The following CTNNA2 variants were observed in gnomAD, a reference collection of about 807,000 sequenced individuals.
The protein encoded by CTNNA2 is catenin alpha-2.
In CTNNA2, 42 loss-of-function variants were observed where a neutral mutation model predicts 101.0. The ratio of observed to expected loss-of-function variants is 0.42; its 90% CI spans 0.32 to 0.54. CTNNA2 has a LOEUF of 0.54. Ranked by LOEUF, CTNNA2 falls within the 20% of genes least tolerant of loss-of-function variation. The pLI, the probability that CTNNA2 is intolerant of heterozygous loss-of-function variation, is 0.14. For synonymous variants in CTNNA2, 450 were observed against 456.4 expected, an observed-to-expected ratio of 0.99 and a Z score of 0.18; for missense variants, 871 against 1,223.1, an observed-to-expected ratio of 0.71 and a Z score of 4.29.
intron 7 of CTNNA2, among the ~76,000 whole-genome samples, chr2:80,241,680 A>G (rs1213981570): frequency 1.3e-5 from 2 of 152,028 alleles, no homozygotes; most frequent in African/African-American, 4.8e-5. Context: ...AGATAAATTC[A>G]TCTGTATAGG....
intron 7 of CTNNA2, among the ~76,000 whole-genome samples, chr2:80,089,560 C>G (rs1699651783): frequency 2.0e-5 from 3 of 151,578 alleles, no homozygotes; most frequent in African/African-American, 7.3e-5. Context: ...TCACTTCTTT[C>G]ACCATAGTGA....
intron 3 of CTNNA2, among the ~76,000 whole-genome samples, chr2:79,372,478 AAG>A (rs1338773999): frequency 6.6e-6 from 1 of 152,178 alleles, no homozygotes; most frequent in African/African-American, 2.4e-5. Context: ...CTACCATTGA[AAG>A]CCAGGCATGT....
At chr2:79,313,146 G>T (rs17707159) in intron 3 of CTNNA2, among the ~76,000 whole-genome samples, 1 of 151,992 alleles carries the variant, frequency 6.6e-6, no homozygotes, top group African/African-American at 2.4e-5. Flanking sequence ...TTATCCCTTG[G>T]CTCCCGTTTG....
intron 2 of CTNNA2, among the ~76,000 whole-genome samples, chr2:79,302,180 AG>A (rs1329736264): frequency 6.6e-6 from 1 of 152,206 alleles, no homozygotes; most frequent in Non-Finnish European, 1.5e-5. Context: ...GAAAAGACTT[AG>A]TGACATCAAA....
At chr2:79,342,830 G>C (rs1677168323) in intron 3 of CTNNA2, among the ~76,000 whole-genome samples, 1 of 152,182 alleles carries the variant, frequency 6.6e-6, no homozygotes, top group Non-Finnish European at 1.5e-5. Flanking sequence ...CTAAGGATGA[G>C]TCTGAAAGGA....
intron 2 of CTNNA2, among the ~76,000 whole-genome samples, chr2:79,312,207 C>A (rs1421495338): frequency 1.3e-5 from 2 of 152,170 alleles, no homozygotes; most frequent in African/African-American, 4.8e-5. Flanking sequence ...CTATGCCTGA[C>A]CTTTACCCAG....
intron 7 of CTNNA2, among the ~76,000 whole-genome samples, chr2:80,109,161 A>G (rs774026923): frequency 3.9e-5 from 6 of 152,214 alleles, no homozygotes; most frequent in Non-Finnish European, 8.8e-5. Flanking sequence ...GAAATAAGCT[A>G]TAAGAACAAA....
intron 7 of CTNNA2, among the ~76,000 whole-genome samples, chr2:80,201,984 G>A (rs1305718477): frequency 1.3e-5 from 2 of 151,984 alleles, no homozygotes; most frequent in African/African-American, 4.8e-5. Flanking sequence ...CACCCCAACT[G>A]AGCAAGGAAA....
chr2:79,689,272 T>C (rs533619806), intron 2 of CTNNA2, among the ~76,000 whole-genome samples: 1 of 151,992 alleles, frequency 6.6e-6, no homozygotes, highest in Admixed American at 6.6e-5. Flanking sequence ...TTGTCACAGA[T>C]CCTGAGCATA....
At position 80,381,587 on chromosome 2, in the gene CTNNA2, T is replaced by A. The variant is rs144865004; in HGVS notation, c.1057-11624T>A. On this transcript the variant is annotated intron_variant, in intron 7 of 18. Transcript: ENST00000402739. Reference sequence around the variant, plus strand: ...AGGCTTTGGCAAAGACAAAGAGAGGTCAGAGTTGATTTGGGCAGGCAAAAC... The same window carrying A: ...AGGCTTTGGCAAAGACAAAGAGAGGACAGAGTTGATTTGGGCAGGCAAAAC... 8.6e-5 allele frequency among the ~76,000 whole-genome samples: 13 copies of A among 152,034 alleles called. No homozygotes were observed. The East Asian group carries it at 2.5e-3, about 30-fold the overall frequency.
intron 7 of CTNNA2, among the ~76,000 whole-genome samples, chr2:80,104,424 A>C (rs1249962442): frequency 1.3e-5 from 2 of 152,316 alleles, no homozygotes; most frequent in East Asian, 3.9e-4. Context: ...GGAAGCCCCT[A>C]TTGTCCAGAA....
rs556563517 is a variant in CTNNA2 at position 79,968,642 on chromosome 2, T to G, written c.1056+58845T>G. Among the ~76,000 whole-genome samples, 81 of 152,190 alleles carry G rather than the reference T, an allele frequency of 5.3e-4. 1 individual carries two copies. The South Asian group carries it at 9.8e-3, about 18-fold the overall frequency. On this transcript the variant is annotated intron_variant, in intron 7 of 18. Coordinates refer to ENST00000402739, the MANE Select transcript of CTNNA2 (RefSeq NM_001282597.3). Reference sequence around the variant, plus strand: ...GGCAATATTGTAAGACCCTCAACTCTGCAAAACCAAACAACACAAAAAACA... The same window carrying G: ...GGCAATATTGTAAGACCCTCAACTCGGCAAAACCAAACAACACAAAAAACA...
rs529152041 is a variant in CTNNA2 at position 79,643,217 on chromosome 2, C to G, written c.-5-8335C>G. On this transcript the variant is annotated intron_variant, in intron 1 of 18. Transcript: ENST00000402739. ...AAAAAAAATTAACAGAAAATTAGAACCACTATCATAGTTCAGATAACATAT... is the reference window on the plus strand; with the variant it reads ...AAAAAAAATTAACAGAAAATTAGAAGCACTATCATAGTTCAGATAACATAT... 2.6e-5 allele frequency among the ~76,000 whole-genome samples: 4 copies of G among 152,044 alleles called. No homozygotes were observed. The South Asian group carries it at 6.2e-4, about 24-fold the overall frequency.
At chr2:80,160,935 T>C (rs914848939) in intron 7 of CTNNA2, among the ~76,000 whole-genome samples, 1 of 152,144 alleles carries the variant, frequency 6.6e-6, no homozygotes, top group African/African-American at 2.4e-5. Context: ...GTTGAAAATG[T>C]TCCCCTCTAT....
chr2:79,216,258 A>T (rs1043573682), intron 2 of CTNNA2, among the ~76,000 whole-genome samples: 1 of 151,884 alleles, frequency 6.6e-6, no homozygotes, highest in Non-Finnish European at 1.5e-5. Flanking sequence ...GTTTTTAAGA[A>T]CACAGGCTAA....
chr2:80,232,341 GTTTGTTTTTT>G (rs1709280064), intron 7 of CTNNA2, among the ~76,000 whole-genome samples: 9 of 82,062 alleles, frequency 1.1e-4, no homozygotes, highest in African/African-American at 3.0e-4. Flanking sequence ...TTGTTTGTTT[GTTTGTTTTTT>G]TTTTTTTTTT....
chr2:79,389,888 A>G (rs1463417304), intron 4 of CTNNA2, among the ~76,000 whole-genome samples: 1 of 152,196 alleles, frequency 6.6e-6, no homozygotes, highest in Non-Finnish European at 1.5e-5. Context: ...TTATATCATC[A>G]ACTGATAATG....
chr2:79,391,555 G>A (rs78992262), intron 4 of CTNNA2, among the ~76,000 whole-genome samples: 1 of 152,118 alleles, frequency 6.6e-6, no homozygotes, highest in Admixed American at 6.6e-5. Context: ...ACTTTCAACT[G>A]TTGGGGGATG....
chr2:80,168,816 G>A (rs1013578134), intron 7 of CTNNA2, among the ~76,000 whole-genome samples: 2 of 151,704 alleles, frequency 1.3e-5, no homozygotes, highest in Admixed American at 6.6e-5. Flanking sequence ...TAGGTGATTC[G>A]AATGTATAGT....
Sources: allele counts gnomAD v4.1 joint callset (sites outside exome capture counted in the v4.1 genomes callset), GRCh38; gene constraint gnomAD v4.1.1; transcripts MANE v1.5; gene names NCBI Gene and HGNC (gene_info 2026-07-23, HGNC 2026-07-21).